The following PSD3 variants were observed in gnomAD, a reference collection of about 807,000 sequenced individuals.
PSD3 encodes PH and SEC7 domain-containing protein 3.
PSD3 carries 49 observed loss-of-function variants against 105.5 expected under a neutral mutation model. That is an observed-to-expected ratio of 0.46 (90% CI 0.37 to 0.59). The LOEUF (loss-of-function observed/expected upper bound fraction) is 0.59, where lower values mean the gene tolerates loss of function less well. Among genes scored for constraint, PSD3 ranks in the 20% least tolerant of loss-of-function variants. The pLI is 0.00. For missense variants in PSD3, 1,561 were observed against 1,263.8 expected (o/e 1.24, Z -3.57); for synonymous variants, 557 against 457.8 (o/e 1.22, Z -2.77).
At chr8:19,057,548 G>C (rs867952402) in intron 1 of PSD3, among the ~76,000 whole-genome samples, 12 of 152,082 alleles carry the variant, frequency 7.9e-5, no homozygotes, top group Non-Finnish European at 8.8e-5. Context: ...ATTTCATACT[G>C]GTTGTAAATA....
At chr8:18,596,612 A>G (rs1287546129) in intron 12 of PSD3, among the ~76,000 whole-genome samples, 1 of 152,010 alleles carries the variant, frequency 6.6e-6, no homozygotes, top group Non-Finnish European at 1.5e-5. Context: ...GAGAACACTC[A>G]AATAAATAAA....
At chr8:18,804,031 A>C (rs1359162205) in intron 6 of PSD3, among the ~76,000 whole-genome samples, 1 of 152,192 alleles carries the variant, frequency 6.6e-6, no homozygotes, top group Non-Finnish European at 1.5e-5. Flanking sequence ...CCAATTGTTT[A>C]CCACCTGAAC....
chr8:18,554,862 G>T (rs1370008764), intron 15 of PSD3, among the ~76,000 whole-genome samples: 1 of 152,156 alleles, frequency 6.6e-6, no homozygotes, highest in Non-Finnish European at 1.5e-5. Context: ...AGACGAACAG[G>T]ACTGTCAGAA....
At position 18,637,959 on chromosome 8, in the gene PSD3, C is replaced by A. The variant is rs1035879713; in HGVS notation, c.2217-5153G>T. On this transcript the variant is annotated intron_variant, in intron 10 of 15. Transcript: ENST00000327040. ...GATCACAAGGTCAGGAGTTCAAGAC[C>A]AGTCTGGCCAAAATGGTAAAACCCC... Among the ~76,000 whole-genome samples the A allele has an allele frequency of 7.2e-5, 11 of 152,016 alleles. No individual in the cohort carries two copies. In the East Asian group the frequency reaches 2.1e-3, roughly 30 times the overall value.
intron 1 of PSD3, among the ~76,000 whole-genome samples, chr8:19,072,105 CTTT>C (rs60783892): frequency 2.2e-4 from 31 of 142,706 alleles, no homozygotes; most frequent in South Asian, 6.8e-4. Flanking sequence ...AATATTTCTT[CTTT>C]TTTTTTTTTT....
intron 14 of PSD3, among the ~76,000 whole-genome samples, chr8:18,556,994 T>A (rs1318264120): frequency 6.6e-6 from 1 of 152,184 alleles, no homozygotes; most frequent in Admixed American, 6.5e-5. Context: ...AATTATTGCC[T>A]TAGTAGCATT....
At chr8:18,748,041 G>C (rs1005940843) in intron 9 of PSD3, among the ~76,000 whole-genome samples, 2 of 152,092 alleles carry the variant, frequency 1.3e-5, no homozygotes, top group Non-Finnish European at 2.9e-5. Flanking sequence ...TGAAATTGCT[G>C]ATCTCTCATA....
intron 2 of PSD3, among the ~76,000 whole-genome samples, chr8:18,926,195 C>T (rs1462545900): frequency 3.3e-5 from 5 of 151,622 alleles, no homozygotes; most frequent in African/African-American, 1.2e-4. Context: ...CATTCAGAGG[C>T]AGGAATGAGG....
At chr8:18,713,603 C>T (rs192220354) in intron 9 of PSD3, among the ~76,000 whole-genome samples, 32 of 152,098 alleles carry the variant, frequency 2.1e-4, no homozygotes, top group South Asian at 6.2e-4. Context: ...TCAAGGAGAA[C>T]GACAAACCTC....
chr8:18,988,127 AC>A (rs1403025127), intron 1 of PSD3, among the ~76,000 whole-genome samples: 7 of 151,674 alleles, frequency 4.6e-5, no homozygotes, highest in Non-Finnish European at 7.4e-5. Context: ...ATATATATAT[AC>A]ACATGAATAA....
intron 11 of PSD3, among the ~76,000 whole-genome samples, chr8:18,622,361 G>C (rs1302657096): frequency 6.6e-6 from 1 of 152,128 alleles, no homozygotes; most frequent in Non-Finnish European, 1.5e-5. Context: ...GAGTCGTTAA[G>C]TGACATTATA....
chr8:18,741,385 G>C (rs1019286688), intron 9 of PSD3, among the ~76,000 whole-genome samples: 10 of 152,142 alleles, frequency 6.6e-5, no homozygotes, highest in African/African-American at 2.4e-4. Context: ...GACTCCAAGA[G>C]TCCATTGATC....
At chr8:18,822,438 C>G (rs573569548) in intron 4 of PSD3, among the ~76,000 whole-genome samples, 5 of 152,160 alleles carry the variant, frequency 3.3e-5, no homozygotes, top group African/African-American at 7.2e-5. Context: ...TTCACCACCC[C>G]CTAAGCTGGA....
intron 15 of PSD3, among the ~76,000 whole-genome samples, chr8:18,553,098 G>C (rs955802069): frequency 6.6e-6 from 1 of 152,132 alleles, no homozygotes; most frequent in Non-Finnish European, 1.5e-5. Context: ...TAAACAACTG[G>C]AATGCATACA....
intron 1 of PSD3, among the ~76,000 whole-genome samples, chr8:19,022,238 C>T (rs1167249610): frequency 2.0e-5 from 3 of 152,186 alleles, no homozygotes; most frequent in African/African-American, 4.8e-5. Context: ...CCAGGCCACA[C>T]CTCTGACATT....
chr8:18,767,692 A>T (rs1167981643), intron 8 of PSD3, among the ~76,000 whole-genome samples: 2 of 152,136 alleles, frequency 1.3e-5, no homozygotes, highest in African/African-American at 4.8e-5. Flanking sequence ...GGATGCAGTG[A>T]GCAGAGATCG....
chr8:19,070,134 G>C (rs187849702), intron 1 of PSD3, among the ~76,000 whole-genome samples: 43 of 151,898 alleles, frequency 2.8e-4, no homozygotes, highest in Middle Eastern at 3.4e-3. Context: ...GTTGCCCATA[G>C]TTCGGGGTAC....
chr8:18,986,497 T>C (rs894130018), intron 1 of PSD3, among the ~76,000 whole-genome samples: 4 of 151,936 alleles, frequency 2.6e-5, no homozygotes, highest in African/African-American at 9.7e-5. Context: ...TCTGGCTTTT[T>C]CTGCTTCACT....
chr8:18,609,300 G>C (rs1012501875), intron 11 of PSD3, among the ~76,000 whole-genome samples: 3 of 152,218 alleles, frequency 2.0e-5, no homozygotes, highest in African/African-American at 7.2e-5. Context: ...GCCAGGCCAA[G>C]AAACAGGTAT....
Sources: gnomAD v4.1 joint callset for allele counts (sites outside exome capture counted in the v4.1 genomes callset) on GRCh38, gnomAD v4.1.1 for gene constraint, MANE v1.5 for transcripts, NCBI Gene and HGNC (gene_info 2026-07-23, HGNC 2026-07-21) for gene names.